Variants in SLC71A2 observed in about 807,000 individuals in gnomAD.
SLC71A2 encodes solute carrier family 71 member 2.
chr9:94,457,237 C>T, the SLC71A2 span, among the ~76,000 whole-genome samples: 1 of 152,134 alleles, frequency 6.6e-6, no homozygotes, highest in African/African-American at 2.4e-5. Flanking sequence ...GCTGAGATTA[C>T]AGGTGTGAGC....
At chr9:94,408,817 T>C in the SLC71A2 span, among the ~76,000 whole-genome samples, 1 of 88,872 alleles carries the variant, frequency 1.1e-5, no homozygotes, top group Admixed American at 9.6e-5. Context: ...TTCCTTTTTC[T>C]GTTTTTTTTG....
At chr9:94,381,539 C>G in the SLC71A2 span, among the ~76,000 whole-genome samples, 4 of 152,174 alleles carry the variant, frequency 2.6e-5, no homozygotes, top group Admixed American at 2.6e-4. Context: ...GATGGACTTT[C>G]GGCTTCTCAC....
At chr9:94,451,525 C>T in the SLC71A2 span, 1 of 1,530,670 alleles carries the variant, frequency 6.5e-7, no homozygotes, top group Non-Finnish European at 8.9e-7. Flanking sequence ...TATTGTGGCT[C>T]AGGTGAGTAT....
At chr9:94,429,422 A>G in the SLC71A2 span, among the ~76,000 whole-genome samples, 1 of 152,210 alleles carries the variant, frequency 6.6e-6, no homozygotes, top group South Asian at 2.1e-4. Context: ...CAACACAAAT[A>G]CATAAGGCAT....
At chr9:94,439,654 T>C in the SLC71A2 span, among the ~76,000 whole-genome samples, 1 of 152,070 alleles carries the variant, frequency 6.6e-6, no homozygotes, top group Non-Finnish European at 1.5e-5. Context: ...AATCATTTTA[T>C]TTTCTACGAG....
the SLC71A2 span, among the ~76,000 whole-genome samples, chr9:94,397,394 C>T: frequency 6.6e-6 from 1 of 151,654 alleles, no homozygotes; most frequent in Non-Finnish European, 1.5e-5. Context: ...ACCAGGAGTT[C>T]AAGACCAGCT....
At chr9:94,391,182 G>A in the SLC71A2 span, among the ~76,000 whole-genome samples, 2 of 133,102 alleles carry the variant, frequency 1.5e-5, no homozygotes, top group East Asian at 4.6e-4. Context: ...TTTGATACCA[G>A]CCTAATGTCT....
chr9:94,390,833 C>G, the SLC71A2 span, among the ~76,000 whole-genome samples: 2 of 152,292 alleles, frequency 1.3e-5, no homozygotes, highest in Non-Finnish European at 2.9e-5. Flanking sequence ...ATGAAGAGCA[C>G]AGTCTCTAGG....
the SLC71A2 span, among the ~76,000 whole-genome samples, chr9:94,391,750 G>T: frequency 6.7e-6 from 1 of 150,224 alleles, no homozygotes; most frequent in African/African-American, 2.5e-5. Context: ...TCAGCCAGGT[G>T]TGGTAGTGGG....
At chr9:94,381,417 G>A in the SLC71A2 span, among the ~76,000 whole-genome samples, 4 of 150,104 alleles carry the variant, frequency 2.7e-5, no homozygotes, top group African/African-American at 7.4e-5. Flanking sequence ...AAAAAGTTCA[G>A]CATAAATTAT....
At chr9:94,410,152 G>C in the SLC71A2 span, among the ~76,000 whole-genome samples, 1 of 151,678 alleles carries the variant, frequency 6.6e-6, no homozygotes, top group Non-Finnish European at 1.5e-5. Context: ...CTAGAGTGCA[G>C]TGGTGCAGTC....
the SLC71A2 span, among the ~76,000 whole-genome samples, chr9:94,439,022 G>GTTTTTTTTTTTTTTTT: frequency 4.3e-5 from 5 of 115,688 alleles, 1 homozygote; most frequent in African/African-American, 3.3e-5. Context: ...ATTTGAGTTC[G>GTTTTTTTTTTTTTTTT]TTTTTTTTTT....
the SLC71A2 span, among the ~76,000 whole-genome samples, chr9:94,448,611 G>A: frequency 3.3e-5 from 5 of 152,156 alleles, no homozygotes; most frequent in Admixed American, 2.6e-4. Context: ...AATATTTTAC[G>A]TGGTGGCATA....
chr9:94,378,973 G>C, the SLC71A2 span, among the ~76,000 whole-genome samples: 2 of 147,590 alleles, frequency 1.4e-5, no homozygotes, highest in African/African-American at 2.5e-5. Context: ...AGTAAGTTGT[G>C]TTTTGTTGGG....
At chr9:94,437,158 G>A in the SLC71A2 span, among the ~76,000 whole-genome samples, 2 of 143,176 alleles carry the variant, frequency 1.4e-5, no homozygotes, top group Non-Finnish European at 3.0e-5. Flanking sequence ...TGGAAGTATC[G>A]CATGCAGCCA....
At chr9:94,378,341 A>AAG in the SLC71A2 span, among the ~76,000 whole-genome samples, 1 of 151,974 alleles carries the variant, frequency 6.6e-6, no homozygotes, top group African/African-American at 2.4e-5. Flanking sequence ...GGGAGGGAGC[A>AAG]AGAGAGAGAG....
the SLC71A2 span, among the ~76,000 whole-genome samples, chr9:94,405,310 A>G: frequency 2.0e-5 from 3 of 151,306 alleles, no homozygotes; most frequent in East Asian, 3.9e-4. Context: ...CCTGGCTAAC[A>G]TGGTGAAACC....
the SLC71A2 span, among the ~76,000 whole-genome samples, chr9:94,402,358 T>G: frequency 6.6e-6 from 1 of 152,146 alleles, no homozygotes; most frequent in Non-Finnish European, 1.5e-5. Flanking sequence ...TTGAGATACA[T>G]TCACGTACCA....
the SLC71A2 span, among the ~76,000 whole-genome samples, chr9:94,421,803 C>T: frequency 6.6e-6 from 1 of 152,154 alleles, no homozygotes; most frequent in East Asian, 1.9e-4. Context: ...GGTAGCTGGT[C>T]ATTCATTGTG....
Sources: gnomAD v4.1 joint callset for allele counts (sites outside exome capture counted in the v4.1 genomes callset) on GRCh38, gnomAD v4.1.1 for gene constraint, MANE v1.5 for transcripts, NCBI Gene and HGNC (gene_info 2026-07-23, HGNC 2026-07-21) for gene names.